CDH13: variants seen among roughly 807,000 people sequenced by gnomAD.
CDH13 encodes the protein cadherin-13.
A neutral mutation model predicts 63.8 loss-of-function variants in CDH13; 24 were observed. That is an observed-to-expected ratio of 0.38 (90% CI 0.27 to 0.53). The LOEUF is 0.53. CDH13 is among the 20% of genes least tolerant of loss of function. CDH13 has a pLI of 0.85. For synonymous variants in CDH13, 503 were observed against 355.3 expected, an observed-to-expected ratio of 1.42 and a Z score of -4.67; for missense variants, 1,049 against 903.1, an observed-to-expected ratio of 1.16 and a Z score of -2.07.
At chr16:83,500,192 A>G (rs2074238406) in intron 7 of CDH13, among the ~76,000 whole-genome samples, 1 of 151,200 alleles carries the variant, frequency 6.6e-6, no homozygotes, top group Non-Finnish European at 1.5e-5. Context: ...GGGTCAAGCA[A>G]CACTATCACA....
chr16:83,635,332 C>CTTTTTTTTTTTTT (rs71148847), intron 8 of CDH13, among the ~76,000 whole-genome samples: 2 of 46,716 alleles, frequency 4.3e-5, no homozygotes, highest in Admixed American at 4.0e-4. Flanking sequence ...CATTTTCTTT[C>CTTTTTTTTTTTTT]TTTTTTTTTT....
At chr16:83,517,229 G>A (rs993114201) in intron 7 of CDH13, among the ~76,000 whole-genome samples, 5 of 152,200 alleles carry the variant, frequency 3.3e-5, no homozygotes, top group Admixed American at 2.0e-4. Flanking sequence ...GTTTAAGGAT[G>A]TAGACTGTCT....
intron 10 of CDH13, among the ~76,000 whole-genome samples, chr16:83,692,021 T>G (rs1904947762): frequency 6.6e-6 from 1 of 152,044 alleles, no homozygotes; most frequent in Admixed American, 6.6e-5. Flanking sequence ...CCCAAAGAAA[T>G]TCACACTCAG....
chr16:83,467,175 C>G (rs928642366), intron 6 of CDH13, among the ~76,000 whole-genome samples: 1 of 152,172 alleles, frequency 6.6e-6, no homozygotes, highest in African/African-American at 2.4e-5. Context: ...TCAGTAAACT[C>G]AAACGCATCT....
chr16:83,362,607 C>T (rs1159804396), intron 6 of CDH13, among the ~76,000 whole-genome samples: 1 of 152,176 alleles, frequency 6.6e-6, no homozygotes, highest in African/African-American at 2.4e-5. Context: ...CATGTGAGGA[C>T]ACAGAAGCTC....
At chr16:82,738,520 C>G (rs1256052345) in intron 1 of CDH13, among the ~76,000 whole-genome samples, 1 of 152,204 alleles carries the variant, frequency 6.6e-6, no homozygotes, top group Non-Finnish European at 1.5e-5. Context: ...AAGCTAGTTT[C>G]CAAATTCCTT....
At chr16:82,881,892 C>G (rs975042226) in intron 2 of CDH13, among the ~76,000 whole-genome samples, 1 of 152,174 alleles carries the variant, frequency 6.6e-6, no homozygotes, top group Non-Finnish European at 1.5e-5. Context: ...TGGCACCACC[C>G]TGGACCCACC....
At chr16:83,243,481 GTC>G (rs1485735033) in intron 5 of CDH13, among the ~76,000 whole-genome samples, 2 of 152,010 alleles carry the variant, frequency 1.3e-5, no homozygotes, top group African/African-American at 4.8e-5. Flanking sequence ...CTCTCACCTG[GTC>G]TCTCCCACAA....
chr16:83,708,779 C>T (rs922753323), intron 10 of CDH13, among the ~76,000 whole-genome samples: 2 of 152,208 alleles, frequency 1.3e-5, no homozygotes, highest in African/African-American at 2.4e-5. Context: ...AATTCCAGCA[C>T]TTTGGGAGGC....
intron 1 of CDH13, among the ~76,000 whole-genome samples, chr16:82,651,148 TG>T (rs1910676349): frequency 6.6e-6 from 1 of 152,222 alleles, no homozygotes; most frequent in East Asian, 1.9e-4. Flanking sequence ...GGCAAGACTA[TG>T]AACAACCATC....
At chr16:83,351,911 G>A (rs1051716406) in intron 6 of CDH13, among the ~76,000 whole-genome samples, 2 of 152,202 alleles carry the variant, frequency 1.3e-5, no homozygotes, top group African/African-American at 4.8e-5. Flanking sequence ...TGTTTCTCCA[G>A]ATGACACTCA....
chr16:83,109,203 G>A (rs1597352801), intron 3 of CDH13, among the ~76,000 whole-genome samples: 2 of 152,156 alleles, frequency 1.3e-5, no homozygotes, highest in Admixed American at 6.5e-5. Flanking sequence ...GATCATAGCA[G>A]GGAATGTGGT....
At chr16:83,485,644 C>G (rs1317294360) in intron 6 of CDH13, among the ~76,000 whole-genome samples, 1 of 152,116 alleles carries the variant, frequency 6.6e-6, no homozygotes, top group South Asian at 2.1e-4. Flanking sequence ...CATCAGACAC[C>G]TTTGTGCAAA....
intron 8 of CDH13, among the ~76,000 whole-genome samples, chr16:83,652,621 C>G (rs1370311825): frequency 2.6e-5 from 4 of 152,206 alleles, no homozygotes; most frequent in African/African-American, 9.7e-5. Flanking sequence ...AGCCCTCATT[C>G]TCAAATATTG....
chr16:82,831,177 G>C (rs936872481), intron 1 of CDH13, among the ~76,000 whole-genome samples: 1 of 152,128 alleles, frequency 6.6e-6, no homozygotes, highest in African/African-American at 2.4e-5. Context: ...GATTCCAGAT[G>C]ATTTGCATAC....
At chr16:83,694,945 G>A (rs930451432) in intron 10 of CDH13, among the ~76,000 whole-genome samples, 7 of 152,110 alleles carry the variant, frequency 4.6e-5, no homozygotes, top group South Asian at 2.1e-4. Context: ...GGTGGTTCAC[G>A]CCTATAATCC....
intron 2 of CDH13, among the ~76,000 whole-genome samples, chr16:82,988,192 C>T (rs550532155): frequency 4.1e-4 from 63 of 152,192 alleles, no homozygotes; most frequent in Non-Finnish European, 8.2e-4. Flanking sequence ...TGCACATATG[C>T]ATGTAGTGTA....
chr16:82,930,039 C>CTTTTTTTTT (rs71146098), intron 2 of CDH13, among the ~76,000 whole-genome samples: 4 of 94,770 alleles, frequency 4.2e-5, no homozygotes, highest in Non-Finnish European at 4.1e-5. Flanking sequence ...TAGTTTGTCT[C>CTTTTTTTTT]TTTTTTTTTT....
rs1160143534 is a variant in CDH13, at chr16:82,917,787, C to T, written c.157+59314C>T. 3.9e-5 allele frequency among the ~76,000 whole-genome samples: 6 copies of T among 151,938 alleles called. No homozygotes were observed. The South Asian group carries it at 6.3e-4, about 16-fold the overall frequency. On this transcript the variant is annotated intron_variant, in intron 2 of 13. Transcript: ENST00000567109. ...AAAATTAGCCAGGCTTGGTGGCTGG[C>T]GCCTGTTATCTCAGATACTTGGGAG...
Sources: gnomAD v4.1 joint callset for allele counts (sites outside exome capture counted in the v4.1 genomes callset) on GRCh38, gnomAD v4.1.1 for gene constraint, MANE v1.5 for transcripts, NCBI Gene and HGNC (gene_info 2026-07-23, HGNC 2026-07-21) for gene names.